Variants in SPOCK1 observed in about 807,000 individuals in gnomAD.
SPOCK1 encodes the protein SPARC (osteonectin), cwcv and kazal like domains proteoglycan 1, also known as testican-1.
SPOCK1 carries 23 observed loss-of-function variants against 55.3 expected under a neutral mutation model. The ratio of observed to expected loss-of-function variants is 0.42; its 90% CI spans 0.30 to 0.59. The LOEUF (loss-of-function observed/expected upper bound fraction) is 0.59. Ranked by LOEUF, SPOCK1 falls within the 20% of genes least tolerant of loss-of-function variation. SPOCK1 has a pLI of 0.22. For missense variants in SPOCK1, 499 were observed against 552.5 expected (o/e 0.90, Z 0.97); for synonymous variants, 226 against 221.0 (o/e 1.02, Z -0.20).
chr5:137,189,658 A>T (rs1215104721), intron 3 of SPOCK1, among the ~76,000 whole-genome samples: 3 of 152,176 alleles, frequency 2.0e-5, no homozygotes, highest in African/African-American at 7.2e-5. Context: ...TGCTAATACA[A>T]CACCCTTTTT....
At chr5:137,357,069 CATGTCT>C (rs1750834827) in intron 2 of SPOCK1, among the ~76,000 whole-genome samples, 1 of 151,534 alleles carries the variant, frequency 6.6e-6, no homozygotes, top group South Asian at 2.1e-4. Flanking sequence ...CCCTTTCTCT[CATGTCT>C]ATACAAAGAA....
chr5:137,153,434 T>G (rs1405295420), intron 3 of SPOCK1, among the ~76,000 whole-genome samples: 1 of 152,214 alleles, frequency 6.6e-6, no homozygotes, highest in East Asian at 1.9e-4. Flanking sequence ...CAAACATTTA[T>G]GAAACTCATT....
At chr5:137,350,244 G>A (rs1750650260) in intron 2 of SPOCK1, among the ~76,000 whole-genome samples, 1 of 152,150 alleles carries the variant, frequency 6.6e-6, no homozygotes, top group South Asian at 2.1e-4. Flanking sequence ...ATGAGGTGGA[G>A]AAAACCCAGG....
intron 2 of SPOCK1, among the ~76,000 whole-genome samples, chr5:137,279,771 A>G (rs1442596608): frequency 6.6e-6 from 1 of 152,206 alleles, no homozygotes; most frequent in African/African-American, 2.4e-5. Context: ...CACTGTATCT[A>G]TGCCACCCAA....
Position 137,051,946 on chromosome 5 carries a change from C to T in SPOCK1, c.589+15769G>A, listed in dbSNP as rs1752215363. 2.0e-5 allele frequency among the ~76,000 whole-genome samples: 3 copies of T among 152,166 alleles called. No individual in the cohort carries two copies. In the South Asian group the frequency reaches 6.2e-4, roughly 31 times the overall value. On this transcript the variant is annotated intron_variant, in intron 6 of 10. Coordinates refer to ENST00000394945, the MANE Select transcript of SPOCK1 (RefSeq NM_004598.4). ...TTTGACCTGAAAACTCTGTACTCCC[C>T]AGCATCTAGGTAGGACCATGCGTGA...
chr5:137,180,249 T>C lies in SPOCK1; in HGVS notation c.233-39555A>G, dbSNP rs184213869. On this transcript the variant is annotated intron_variant, in intron 3 of 10. Coordinates refer to ENST00000394945, the MANE Select transcript of SPOCK1 (RefSeq NM_004598.4). ...AGCACTTGTTGAGCCAAGTGTAACA[T>C]GTTTTGTACAGCAAAAAGATGCACA... Among the ~76,000 whole-genome samples the C allele has an allele frequency of 1.9e-4, 29 of 152,200 alleles. No individual in the cohort carries two copies. The East Asian group carries it at 4.8e-3, about 25-fold the overall frequency.
chr5:137,377,296 A>C (rs978206087), intron 2 of SPOCK1, among the ~76,000 whole-genome samples: 1 of 152,206 alleles, frequency 6.6e-6, no homozygotes, highest in African/African-American at 2.4e-5. Flanking sequence ...ATGCCTCTGC[A>C]ACACAGGACT....
rs187487839 is a variant in SPOCK1, at chr5:137,087,802, G to T, written c.475-19973C>A. On this transcript the variant is annotated intron_variant, in intron 5 of 10. Transcript: ENST00000394945. ...CCCACGAGAGGGAGAACATTGAGAA[G>T]GTTCAGAAAGGAGGTCAGGAAGCAG... 1.8e-4 allele frequency among the ~76,000 whole-genome samples: 27 copies of T among 152,288 alleles called. No individual in the cohort carries two copies. The South Asian group carries it at 5.0e-3, about 28-fold the overall frequency.
At chr5:137,005,333 A>T (rs1751227105) in intron 6 of SPOCK1, among the ~76,000 whole-genome samples, 2 of 151,714 alleles carry the variant, frequency 1.3e-5, no homozygotes, top group Non-Finnish European at 2.9e-5. Flanking sequence ...TTTTTTTTTT[A>T]AAGGGGCTGG....
chr5:137,198,161 TCA>T (rs895748061), intron 3 of SPOCK1, among the ~76,000 whole-genome samples: 45 of 152,268 alleles, frequency 3.0e-4, no homozygotes, highest in African/African-American at 1.1e-3. Context: ...TAAAAAAGTT[TCA>T]CATATTCTAT....
chr5:137,486,082 C>T lies in SPOCK1; in HGVS notation c.186+12291G>A, dbSNP rs1012548635. Among the ~76,000 whole-genome samples the T allele has an allele frequency of 8.5e-5, 13 of 152,296 alleles. No individual in the cohort carries two copies. In the East Asian group the frequency reaches 2.1e-3, roughly 25 times the overall value. ...TTATTCCTCCATTTACTACAGCCCT[C>T]GACCAACAGCCCTGACAAGGCTAAA... On this transcript the variant is annotated intron_variant, in intron 2 of 10. Coordinates refer to ENST00000394945, the MANE Select transcript of SPOCK1 (RefSeq NM_004598.4).
chr5:137,158,417 C>G (rs777041284), intron 3 of SPOCK1, among the ~76,000 whole-genome samples: 5 of 152,098 alleles, frequency 3.3e-5, no homozygotes, highest in Non-Finnish European at 5.9e-5. Flanking sequence ...CCAAAGAACT[C>G]CTTGGCAATA....
chr5:137,079,542 C>A lies in SPOCK1; in HGVS notation c.475-11713G>T, dbSNP rs377698781. Among the ~76,000 whole-genome samples the A allele has an allele frequency of 9.3e-5, 14 of 149,886 alleles. 1 individual carries two copies. The highest frequency in any genetic ancestry group is 4.3e-4 in the South Asian group (2 of 4,698). ...TACCATCCCATCTGATTCCCCCCCC[C>A]CCCGACTTAGTGAAATGTCGTACCA... On this transcript the variant is annotated intron_variant, in intron 5 of 10. Coordinates refer to ENST00000394945, the MANE Select transcript of SPOCK1 (RefSeq NM_004598.4).
chr5:137,026,624 C>T lies in SPOCK1; in HGVS notation c.590-34024G>A, dbSNP rs182039123. Among the ~76,000 whole-genome samples the T allele has an allele frequency of 7.1e-3, 1,083 of 152,214 alleles. 8 individuals carry two copies. The highest frequency in any genetic ancestry group is 0.025 in the African/African-American group (1,028 of 41,516). ...CTCTCCCTCTCCCTTTTTCTGTCCACACACACACCCTCTATTGGTTCTGTT... is the reference window on the plus strand; with the variant it reads ...CTCTCCCTCTCCCTTTTTCTGTCCATACACACACCCTCTATTGGTTCTGTT... On this transcript the variant is annotated intron_variant, in intron 6 of 10. Transcript: ENST00000394945.
intron 2 of SPOCK1, among the ~76,000 whole-genome samples, chr5:137,362,279 T>C (rs1015347844): frequency 7.9e-5 from 12 of 151,584 alleles, no homozygotes; most frequent in African/African-American, 2.9e-4. Flanking sequence ...ATAATTGTAA[T>C]AACCACTGCA....
At chr5:137,110,603 G>C (rs1227477909) in intron 5 of SPOCK1, among the ~76,000 whole-genome samples, 1 of 152,166 alleles carries the variant, frequency 6.6e-6, no homozygotes, top group Non-Finnish European at 1.5e-5. Context: ...GAATCTATTA[G>C]GGGCTAAAAA....
intron 2 of SPOCK1, among the ~76,000 whole-genome samples, chr5:137,371,131 A>G (rs1027442626): frequency 7.9e-5 from 12 of 152,222 alleles, no homozygotes; most frequent in African/African-American, 2.4e-4. Context: ...TGTGCTGCAT[A>G]AGGTTTCCTG....
chr5:137,081,671 A>T (rs4976402), intron 5 of SPOCK1, among the ~76,000 whole-genome samples: 49,319 of 152,128 alleles, frequency 0.32, 8,344 homozygotes, highest in East Asian at 0.49. Context: ...GCCAAAGCAG[A>T]CTTTTAACCA....
intron 2 of SPOCK1, among the ~76,000 whole-genome samples, chr5:137,341,685 T>G (rs1337109379): frequency 6.6e-6 from 1 of 152,212 alleles, no homozygotes; most frequent in Non-Finnish European, 1.5e-5. Context: ...TACCCCTGAA[T>G]AGGACAGATA....
Sources: allele counts gnomAD v4.1 joint callset (sites outside exome capture counted in the v4.1 genomes callset), GRCh38; gene constraint gnomAD v4.1.1; transcripts MANE v1.5; gene names NCBI Gene and HGNC (gene_info 2026-07-23, HGNC 2026-07-21).